TECPR1: variants seen among roughly 807,000 people sequenced by gnomAD.
The protein encoded by TECPR1 is tectonin beta-propeller repeat-containing protein 1.
In TECPR1, 122 loss-of-function variants were observed where a neutral mutation model predicts 162.4. The observed-to-expected ratio is 0.75, with a 90% CI of 0.65 to 0.87. The LOEUF (loss-of-function observed/expected upper bound fraction) is 0.87, where lower values mean the gene tolerates loss of function less well. Ranked by LOEUF, TECPR1 falls within the 40% of genes least tolerant of loss-of-function variation. TECPR1 has a pLI of 0.00. For synonymous variants in TECPR1, 642 were observed against 670.6 expected (o/e 0.96, Z 0.66); for missense variants, 1,432 against 1,618.2 (o/e 0.88, Z 1.97).
At chr7:98,238,834 A>T (rs534475011) in intron 8 of TECPR1, among the ~76,000 whole-genome samples, 2 of 152,300 alleles carry the variant, frequency 1.3e-5, no homozygotes, top group Admixed American at 1.3e-4. Flanking sequence ...ACGAGGGCTG[A>T]GGGTCCTCTG....
Position 98,217,197 on chromosome 7 carries a change from G to A in TECPR1, c.*193C>T, listed in dbSNP as rs552996034. 2 of 576,368 alleles carry A rather than the reference G, an allele frequency of 3.5e-6. No homozygotes were observed. The highest frequency in any genetic ancestry group is 1.9e-5 in the African/African-American group (1 of 52,806). 35.7% of individuals were successfully genotyped at this position (576,368 alleles called of 1,614,324 possible). On this transcript the variant is annotated 3_prime_UTR_variant, in exon 26 of 26. Coordinates refer to ENST00000447648, the MANE Select transcript of TECPR1 (RefSeq NM_015395.3). ...CTCGCAGACGGGGACACGTGTGGGA[G>A]TGTCCGCGGAGCTTCACATTTCAGG... is the stretch of plus-strand genomic sequence containing the variant.
In TECPR1 at chr7:98,240,966, A is replaced by G. The variant is rs1274411223; in HGVS notation, c.833-15T>C. 6.3e-7 allele frequency: 1 copy of G among 1,596,748 alleles called. No individual in the cohort carries two copies. Among genetic ancestry groups the G allele is most frequent in the Non-Finnish European group, 8.5e-7 (1 of 1,173,124 alleles). On this transcript the variant is annotated splice_polypyrimidine_tract_variant and intron_variant, in intron 7 of 25. Coordinates refer to ENST00000447648, the MANE Select transcript of TECPR1 (RefSeq NM_015395.3). ...CCAGGAACTTCCTACCGGGCCCCCA[A>G]GAAACCCCCAGTGGCCCCCATCAGC...
rs1434665271 is a variant in TECPR1 at position 98,246,007 on chromosome 7, C to G, written c.140G>C (p.Gly47Ala). The G allele has an allele frequency of 8.1e-6, 13 of 1,603,724 alleles. No homozygotes were observed. Among genetic ancestry groups the G allele is most frequent in the Non-Finnish European group, 1.0e-5 (12 of 1,175,868 alleles). The change falls in exon 3 of 26, where the codon GGC becomes GCC. Residue 47 changes from glycine to alanine, a missense_variant. Transcript: ENST00000447648. ...RVSATTQCCW[G>A]IACDNQVYVY... ...GTAGACCTGGTTGTCACAGGCAATGCCCCAGCAGCACTGCGTGGTGGCGCT... is the reference window on the plus strand; with the variant it reads ...GTAGACCTGGTTGTCACAGGCAATGGCCCAGCAGCACTGCGTGGTGGCGCT...
chr7:98,221,519 T>C (rs2116533552), intron 23 of TECPR1, 142 bp downstream of exon 23: 3 of 659,662 alleles, frequency 4.5e-6, no homozygotes, highest in African/African-American at 1.8e-5. Flanking sequence ...CACTGTGTCA[T>C]GCAGACCATG....
intron 22 of TECPR1, 52 bp downstream of exon 22, chr7:98,222,334 C>G (rs1798161690): frequency 6.3e-7 from 1 of 1,575,946 alleles, no homozygotes; most frequent in Non-Finnish European, 8.6e-7. Flanking sequence ...CAGCAAACAT[C>G]AGCTTGGACG....
chr7:98,248,433 C>T (rs953372774), intron 2 of TECPR1, among the ~76,000 whole-genome samples: 5 of 151,222 alleles, frequency 3.3e-5, no homozygotes, highest in Non-Finnish European at 7.4e-5. Context: ...CCAGTGCTCC[C>T]GCAGCATACC....
rs1584352693 is a variant in TECPR1, at chr7:98,241,762, A to G, written c.658-518T>C. On this transcript the variant is annotated intron_variant, in intron 6 of 25. Coordinates refer to ENST00000447648, the MANE Select transcript of TECPR1 (RefSeq NM_015395.3). This position sits in a 1 kb window ranked among gnomAD's most constrained non-coding sequence, Gnocchi z 5.0. The stretch of plus-strand genomic sequence containing the variant: ...CCAGAAAGGGCAAGGGACCCTCCCC[A>G]TAGGGCTGTCTTCAGACAGGGGACC... Among the ~76,000 whole-genome samples the G allele has an allele frequency of 1.3e-5, 2 of 152,172 alleles. No individual in the cohort carries two copies. Among genetic ancestry groups the G allele is most frequent in the African/African-American group, 4.8e-5 (2 of 41,442 alleles).
intron 23 of TECPR1, among the ~76,000 whole-genome samples, chr7:98,219,210 G>C (rs531675451): frequency 6.6e-6 from 1 of 152,018 alleles, no homozygotes; most frequent in South Asian, 2.1e-4. Flanking sequence ...AACTGGATCC[G>C]TATCTCTCAC....
chr7:98,233,644 G>T lies in TECPR1; in HGVS notation c.1449C>A (p.Ala483=). ...GGTCAATATTGGTCCAGGGCAGCTC[G>T]GCCGGGGTGGGGGCCGGGCCGGGGT... The part of the protein sequence containing the change: ...NTHPGPAPTP[A]ELPWTNIDLK... The change falls in exon 11 of 26, where the codon GCC becomes GCA. Residue 483 remains alanine, a synonymous_variant. Coordinates refer to ENST00000447648, the MANE Select transcript of TECPR1 (RefSeq NM_015395.3). 1 of 1,591,342 alleles carries T rather than the reference G, an allele frequency of 6.3e-7. No individual in the cohort carries two copies. The highest frequency in any genetic ancestry group is 1.3e-5 in the African/African-American group (1 of 74,444).
At chr7:98,221,342 T>C (rs1446853362) in intron 23 of TECPR1, among the ~76,000 whole-genome samples, 1 of 152,056 alleles carries the variant, frequency 6.6e-6, no homozygotes, top group Non-Finnish European at 1.5e-5. Context: ...AAGAGTAGAA[T>C]TGGATTGTTT....
At chr7:98,223,783 T>C in intron 19 of TECPR1, 65 bp from the exon 20 acceptor site, 3 of 1,559,116 alleles carry the variant, frequency 1.9e-6, no homozygotes, top group Non-Finnish European at 1.8e-6. Context: ...GGACCGTGCA[T>C]GTAAACATTC....
At position 98,217,116 on chromosome 7, in the gene TECPR1, GT is replaced by G. The variant is rs138522090; in HGVS notation, c.*273del. 285 of 387,202 alleles carry G rather than the reference GT, an allele frequency of 7.4e-4. No individual in the cohort carries two copies. Among genetic ancestry groups the G allele is most frequent in the African/African-American group, 5.5e-3 (264 of 47,954 alleles). 24.0% of individuals were successfully genotyped at this position (387,202 alleles called of 1,614,324 possible). A position where few individuals can be genotyped will look rare whatever the true frequency, so the allele number is the denominator to read the frequency against. On this transcript the variant is annotated 3_prime_UTR_variant, in exon 26 of 26. Transcript: ENST00000447648. ...GCAGAAGGGAGAGGGGAAGGGAAGG[GT>G]GGGAGGGGCCTCTGGGAGGTGCAGC...
chr7:98,235,655 C>CTA (rs1798577122), intron 10 of TECPR1, among the ~76,000 whole-genome samples: 1 of 150,670 alleles, frequency 6.6e-6, no homozygotes, highest in Non-Finnish European at 1.5e-5. Context: ...CATGGGGAAA[C>CTA]CCTGTCTCTA....
chr7:98,217,851 A>T (rs368893258), intron 24 of TECPR1, 40 bp from the exon 25 acceptor site: 15 of 1,542,370 alleles, frequency 9.7e-6, no homozygotes, highest in Middle Eastern at 1.7e-4. Flanking sequence ...CCCTACCTGC[A>T]GTGGGACGGC....
chr7:98,229,063 C>T lies in TECPR1; in HGVS notation c.2386G>A (p.Gly796Ser), dbSNP rs777185277. The change falls in exon 16 of 26, where the codon GGC becomes AGC. Residue 796 changes from glycine (G) to serine (S), a missense_variant. Coordinates refer to ENST00000447648, the MANE Select transcript of TECPR1 (RefSeq NM_015395.3). Reference sequence around the variant, plus strand: ...CCTTGGAAGCAGCCGCCTCCATAGCCGCCTGTGTATACCCAGGCCGTGTGG... The same window carrying T: ...CCTTGGAAGCAGCCGCCTCCATAGCTGCCTGTGTATACCCAGGCCGTGTGG... Reference protein sequence around the residue: ...YDHTAWVYTGGYGGGCFQGLA... With the variant: ...YDHTAWVYTGSYGGGCFQGLA... 1.0e-5 allele frequency: 16 copies of T among 1,595,438 alleles called. No homozygotes were observed. The highest frequency in any genetic ancestry group is 4.5e-5 in the South Asian group (4 of 88,286).
intron 14 of TECPR1, 44 bp downstream of exon 14, chr7:98,231,180 T>C: frequency 1.2e-6 from 2 of 1,608,642 alleles, no homozygotes; most frequent in Non-Finnish European, 1.7e-6. Context: ...CACCCCACCA[T>C]GGCTATCCCT....
At position 98,235,849 on chromosome 7, in the gene TECPR1, A is replaced by AAAAACAC; in HGVS notation, c.1181+926_1181+927insGTGTTTT. Reference sequence around the variant, plus strand: ...TCTCAAAAAAAAAAAAAAAAAAAAAAAACACCATCTGAGCAGACTAAACCC... The same window carrying AAAAACAC: ...TCTCAAAAAAAAAAAAAAAAAAAAAAAAAACACAACACCATCTGAGCAGACTAAACCC... On this transcript the variant is annotated intron_variant, in intron 10 of 25. Coordinates refer to ENST00000447648, the MANE Select transcript of TECPR1 (RefSeq NM_015395.3). Among the ~76,000 whole-genome samples the AAAAACAC allele has an allele frequency of 3.8e-4, 42 of 110,326 alleles. 1 individual carries two copies. Among genetic ancestry groups the AAAAACAC allele is most frequent in the African/African-American group, 1.3e-3 (42 of 32,462 alleles). 72.4% of individuals were successfully genotyped at this position (110,326 alleles called of 152,430 possible). A position where few individuals can be genotyped will look rare whatever the true frequency, so the allele number is the denominator to read the frequency against.
At chr7:98,230,609 C>G (rs372702970) in intron 15 of TECPR1, among the ~76,000 whole-genome samples, 6 of 152,192 alleles carry the variant, frequency 3.9e-5, no homozygotes, top group African/African-American at 1.4e-4. Context: ...GGCTGAGCAC[C>G]GGGTCTGTGC....
intron 9 of TECPR1, 57 bp from the exon 10 acceptor site, chr7:98,236,978 C>A: frequency 6.8e-7 from 1 of 1,468,892 alleles, no homozygotes. Context: ...GGGCTCTTCT[C>A]GCTTCCTAGG....
Sources: gnomAD v4.1 joint callset for allele counts (sites outside exome capture counted in the v4.1 genomes callset) on GRCh38, gnomAD v4.1.1 for gene constraint, Gnocchi (gnomAD v3.1) non-coding constraint, MANE v1.5 for transcripts, NCBI Gene and HGNC (gene_info 2026-07-23, HGNC 2026-07-21) for gene names.